NOS3: variants seen among roughly 807,000 people sequenced by gnomAD.
NOS3 encodes the protein NOS type III.
A neutral mutation model predicts 144.9 loss-of-function variants in NOS3; 98 were observed. The ratio of observed to expected loss-of-function variants is 0.68; its 90% CI spans 0.57 to 0.80. NOS3 has a LOEUF of 0.80. NOS3 is among the 30% of genes least tolerant of loss of function. NOS3 has a pLI of 0.00. For missense variants in NOS3, 1,465 were observed against 1,656.4 expected (o/e 0.88, Z 2.01); for synonymous variants, 714 against 702.4 (o/e 1.02, Z -0.26).
intron 9 of NOS3, 53 bp from the exon 10 acceptor site, chr7:151,000,445 C>T (rs1795064203): frequency 1.8e-6 from 2 of 1,129,470 alleles, no homozygotes; most frequent in Admixed American, 3.4e-5. Flanking sequence ...CTCCCCACCC[C>T]ACCCCCGTGA....
intron 17 of NOS3, among the ~76,000 whole-genome samples, chr7:151,007,748 C>T (rs769398039): frequency 6.6e-6 from 1 of 152,228 alleles, no homozygotes; most frequent in Non-Finnish European, 1.5e-5. Flanking sequence ...AGAACTGGTC[C>T]CGGGCCGGGC....
chr7:151,013,077 C>T, intron 24 of NOS3, 154 bp from the exon 25 acceptor site: 1 of 811,482 alleles, frequency 1.2e-6, no homozygotes, highest in Non-Finnish European at 1.9e-6. Flanking sequence ...TCTGTGAAAG[C>T]ATTCTACACT....
intron 14 of NOS3, among the ~76,000 whole-genome samples, chr7:151,004,209 C>A (rs1256180413): frequency 6.6e-6 from 1 of 152,090 alleles, no homozygotes; most frequent in Non-Finnish European, 1.5e-5. Context: ...TGGTGGCGCA[C>A]GCCTATAGTC....
rs1416547698 is a variant in NOS3 at position 151,009,074 on chromosome 7, C to T, written c.2245+12C>T. On this transcript the variant is annotated intron_variant, in intron 18 of 26. Transcript: ENST00000297494. ...GCAGTTGCTGCCAGGTGGGCCCTGCCCTCACCCTAACCCGGCTGGTTCTCT... is the reference window on the plus strand; with the variant it reads ...GCAGTTGCTGCCAGGTGGGCCCTGCTCTCACCCTAACCCGGCTGGTTCTCT... 2 of 1,613,088 alleles carry T rather than the reference C, an allele frequency of 1.2e-6. No individual in the cohort carries two copies. Among genetic ancestry groups the T allele is most frequent in the Non-Finnish European group, 1.7e-6 (2 of 1,179,660 alleles).
At chr7:151,012,940 C>T (rs1419666434) in intron 24 of NOS3, 1 of 455,100 alleles carries the variant, frequency 2.2e-6, no homozygotes, top group Non-Finnish European at 3.9e-6. Flanking sequence ...AAGGGGACTG[C>T]GATGTCACAC....
rs144949709 is a variant in NOS3 at position 151,001,878 on chromosome 7, G to T, written c.1560G>T (p.Ala520=). 5.0e-6 allele frequency: 8 copies of T among 1,613,720 alleles called. No homozygotes were observed. The highest frequency in any genetic ancestry group is 6.8e-6 in the Non-Finnish European group (8 of 1,180,034). The change falls in exon 13 of 27, where the codon GCG becomes GCT. Residue 520 remains alanine (A), a synonymous_variant. Coordinates refer to ENST00000297494, the MANE Select transcript of NOS3 (RefSeq NM_000603.5). The part of the protein sequence containing the change: ...MGTVMAKRVK[A]TILYGSETGR... The stretch of plus-strand genomic sequence containing the variant: ...CGGTGATGGCGAAGCGAGTGAAGGC[G>T]ACAATCCTGTATGGCTCCGAGACCG...
Position 151,007,283 on chromosome 7 carries a change from C to G in NOS3, c.2112+7C>G, listed in dbSNP as rs1335400566. 1 of 1,590,166 alleles carries G rather than the reference C, an allele frequency of 6.3e-7. No individual in the cohort carries two copies. The highest frequency in any genetic ancestry group is 8.5e-7 in the Non-Finnish European group (1 of 1,173,170). On this transcript the variant is annotated splice_region_variant and intron_variant, in intron 17 of 26. Coordinates refer to ENST00000297494, the MANE Select transcript of NOS3 (RefSeq NM_000603.5). ...GGCCCAGGCTGCCTTCCAGGTGAGC[C>G]CAGCCCAGCCCCTGCTCTGACTCCT...
rs1265324220 is a variant in NOS3 at position 151,014,052 on chromosome 7, C to G, written c.3495C>G (p.Arg1165=). ...AAGACATTTTCGGGCTCACGCTGCG[C>G]ACCCAGGAGGTGACAAGCCGCATAC... is the stretch of plus-strand genomic sequence containing the variant. ...YHEDIFGLTL[R]TQEVTSRIRT... The change falls in exon 27 of 27, where the codon CGC becomes CGG. Residue 1165 remains arginine (R), a synonymous_variant. Coordinates refer to ENST00000297494, the MANE Select transcript of NOS3 (RefSeq NM_000603.5). 2 of 1,613,616 alleles carry G rather than the reference C, an allele frequency of 1.2e-6. No individual in the cohort carries two copies.
At position 151,002,324 on chromosome 7, in the gene NOS3, G is replaced by A. The variant is rs1795125798; in HGVS notation, c.1752+20G>A. On this transcript the variant is annotated intron_variant, in intron 14 of 26. Coordinates refer to ENST00000297494, the MANE Select transcript of NOS3 (RefSeq NM_000603.5). This position sits in a 1 kb window ranked among gnomAD's most constrained non-coding sequence, Gnocchi z 4.1. ...GGAGAGGTGAGAACTTCCAGGAAAG[G>A]GGCTGCTGGGAATGAGGAGAGACTC... 1 of 1,385,368 alleles carries A rather than the reference G, an allele frequency of 7.2e-7. No homozygotes were observed. Among genetic ancestry groups the A allele is most frequent in the African/African-American group, 1.4e-5 (1 of 70,124 alleles). 85.8% of individuals were successfully genotyped at this position (1,385,368 alleles called of 1,614,324 possible). A position where few individuals can be genotyped will look rare whatever the true frequency, so the allele number is the denominator to read the frequency against.
rs1177423949 is a variant in NOS3 at position 151,002,174 on chromosome 7, C to G, written c.1648-26C>G. On this transcript the variant is annotated intron_variant, in intron 13 of 26. Transcript: ENST00000297494. The surrounding 1 kb of genome is among the most constrained non-coding windows in gnomAD (Gnocchi z 4.1). ...CAGGGCCTCCGGGGGCCACAGCACC[C>G]AGGACATCTGTCTTCCCACCCACAG... is the stretch of plus-strand genomic sequence containing the variant. The G allele has an allele frequency of 6.5e-7, 1 of 1,530,298 alleles. No homozygotes were observed. 94.8% of individuals were successfully genotyped at this position (1,530,298 alleles called of 1,614,324 possible).
At position 151,002,158 on chromosome 7, in the gene NOS3, CG is replaced by C; in HGVS notation, c.1648-37del. ...GCCAGAGTGAGGAGGGCAGGGCCTC[CG>C]GGGGCCACAGCACCCAGGACATCTG... On this transcript the variant is annotated intron_variant, in intron 13 of 26. Coordinates refer to ENST00000297494, the MANE Select transcript of NOS3 (RefSeq NM_000603.5). The surrounding 1 kb of genome is among the most constrained non-coding windows in gnomAD (Gnocchi z 4.1). 1.4e-6 allele frequency: 2 copies of C among 1,460,240 alleles called. No individual in the cohort carries two copies. The highest frequency in any genetic ancestry group is 1.9e-6 in the Non-Finnish European group (2 of 1,058,364). 90.5% of individuals were successfully genotyped at this position (1,460,240 alleles called of 1,614,324 possible). A position where few individuals can be genotyped will look rare whatever the true frequency, so the allele number is the denominator to read the frequency against.
In NOS3 at chr7:151,013,848, T is replaced by G; in HGVS notation, c.3380T>G (p.Val1127Gly). ...VTMATNVLQT[V>G]QRILATEGDM... ...ATGGCAACCAACGTCCTGCAGACCG[T>G]GCAGCGCATCCTGGCGACGGAGGGC... The change falls in exon 26 of 27, where the codon GTG becomes GGG. Residue 1127 changes from valine to glycine, a missense_variant. Val to Gly is a moderately radical substitution (Grantham distance 109, BLOSUM62 -3). Coordinates refer to ENST00000297494, the MANE Select transcript of NOS3 (RefSeq NM_000603.5). 6.2e-7 allele frequency: 1 copy of G among 1,605,724 alleles called. No individual in the cohort carries two copies. The highest frequency in any genetic ancestry group is 1.1e-5 in the South Asian group (1 of 89,682).
Position 150,993,598 on chromosome 7 carries a change from C to T in NOS3, c.-51-155C>T, listed in dbSNP as rs936369217. On this transcript the variant is annotated intron_variant, in intron 1 of 26. Coordinates refer to ENST00000297494, the MANE Select transcript of NOS3 (RefSeq NM_000603.5). This position sits in a 1 kb window ranked among gnomAD's most constrained non-coding sequence, Gnocchi z 4.0. ...CGGAACCCAGGCGTCCGGCCCCCCA[C>T]CCTTCAGGCCAGCGGGCGTGGAGCT... Among the ~76,000 whole-genome samples, 1 of 152,184 alleles carries T rather than the reference C, an allele frequency of 6.6e-6. No individual in the cohort carries two copies. The highest frequency in any genetic ancestry group is 2.4e-5 in the African/African-American group (1 of 41,446).
Position 151,013,713 on chromosome 7 carries a change from C to T in NOS3, c.3256-11C>T, listed in dbSNP as rs752118298. 6.3e-7 allele frequency: 1 copy of T among 1,582,808 alleles called. No homozygotes were observed. Among genetic ancestry groups the T allele is most frequent in the East Asian group, 2.3e-5 (1 of 43,758 alleles). On this transcript the variant is annotated splice_polypyrimidine_tract_variant and intron_variant, in intron 25 of 26. Transcript: ENST00000297494. The stretch of plus-strand genomic sequence containing the variant: ...CCCACCAGGGCCCGCCCTAACCCCG[C>T]CGCCCCGCAGACCTACGTGCAGGAC...
Position 150,995,210 on chromosome 7 carries a change from A to G in NOS3, c.166A>G (p.Ser56Gly), listed in dbSNP as rs1207876196. 1 of 1,601,226 alleles carries G rather than the reference A, an allele frequency of 6.2e-7. No homozygotes were observed. Among genetic ancestry groups the G allele is most frequent in the South Asian group, 1.1e-5 (1 of 90,708 alleles). The change falls in exon 3 of 27, where the codon AGC becomes GGC. Residue 56 changes from serine to glycine, a missense_variant. Physicochemically the swap from Ser to Gly is moderately conservative, Grantham distance 56. Coordinates refer to ENST00000297494, the MANE Select transcript of NOS3 (RefSeq NM_000603.5). ...ATCCCTGGCTCCCAACAGCCCCCCG[A>G]GCTCCCCGCTAACCCAGCCCCCAGA... ...LPPAPEHSPPSSPLTQPPEGP... is the reference protein window; with the variant it reads ...LPPAPEHSPPGSPLTQPPEGP...
At position 151,001,344 on chromosome 7, in the gene NOS3, GC is replaced by G; in HGVS notation, c.1353del (p.Ile452SerfsTer52). Reference protein sequence around the residue: ...GCPADWAWIVPPISGSLTPVF... With the variant: ...GCPADWAWIVXPISGSLTPVF... ...GCCCTGCAGACTGGGCCTGGATCGT[GC>G]CCCCCATCTCGGGCAGCCTCACTCC... On this transcript the variant is annotated frameshift_variant, in exon 11 of 27. Transcript: ENST00000297494. LOFTEE classifies it high-confidence loss of function. 6.2e-7 allele frequency: 1 copy of G among 1,613,452 alleles called. No individual in the cohort carries two copies. Among genetic ancestry groups the G allele is most frequent in the Non-Finnish European group, 8.5e-7 (1 of 1,179,788 alleles).
At chr7:151,007,853 G>A (rs1419665914) in intron 17 of NOS3, among the ~76,000 whole-genome samples, 1 of 152,184 alleles carries the variant, frequency 6.6e-6, no homozygotes, top group Non-Finnish European at 1.5e-5. Context: ...GATCATGTCT[G>A]CAGTTGACAA....
At position 151,003,194 on chromosome 7, in the gene NOS3, C is replaced by T. The variant is rs1190331414; in HGVS notation, c.1752+890C>T. The T allele has an allele frequency of 8.8e-6, 4 of 453,186 alleles. No individual in the cohort carries two copies. Among genetic ancestry groups the T allele is most frequent in the African/African-American group, 2.0e-5 (1 of 49,962 alleles). 28.1% of individuals were successfully genotyped at this position (453,186 alleles called of 1,614,324 possible). A position where few individuals can be genotyped will look rare whatever the true frequency, so the allele number is the denominator to read the frequency against. ...AGGCTGGAGTGCAGTAGTACAATCA[C>T]GGCTCACTGCAGCCTCAACCTCCTA... is the stretch of plus-strand genomic sequence containing the variant. On this transcript the variant is annotated intron_variant, in intron 14 of 26. Transcript: ENST00000297494. This position sits in a 1 kb window ranked among gnomAD's most constrained non-coding sequence, Gnocchi z 4.1.
In NOS3 at chr7:150,998,933, C is replaced by T; in HGVS notation, c.817-13C>T. The T allele has an allele frequency of 1.9e-6, 3 of 1,606,562 alleles. No homozygotes were observed. The highest frequency in any genetic ancestry group is 3.4e-5 in the Admixed American group (2 of 58,254). Reference sequence around the variant, plus strand: ...GCTCAGCCCCAGAACCCCCTCTGGCCCACTCCCCACAGCTCTGCATTCAGC... The same window carrying T: ...GCTCAGCCCCAGAACCCCCTCTGGCTCACTCCCCACAGCTCTGCATTCAGC... On this transcript the variant is annotated splice_polypyrimidine_tract_variant and intron_variant, in intron 7 of 26. Transcript: ENST00000297494. This position sits in a 1 kb window ranked among gnomAD's most constrained non-coding sequence, Gnocchi z 5.0.
Sources: allele counts gnomAD v4.1 joint callset (sites outside exome capture counted in the v4.1 genomes callset), GRCh38; gene constraint gnomAD v4.1.1; non-coding constraint Gnocchi (gnomAD v3.1); transcripts MANE v1.5; gene names NCBI Gene and HGNC (gene_info 2026-07-23, HGNC 2026-07-21).